The following RP1L1 variants were observed in gnomAD, a reference collection of about 807,000 sequenced individuals.
The protein encoded by RP1L1 is RP1 like 1.
Under a neutral mutation model 15.7 loss-of-function variants are expected in RP1L1, and 27 were observed. The observed-to-expected ratio is 1.72, with a 90% CI of 1.27 to 2.38. RP1L1 has a LOEUF of 2.38. Ranked by LOEUF, RP1L1 falls within the 30% of genes most tolerant of loss-of-function variation. The pLI is 0.00. For synonymous variants in RP1L1, 1,813 were observed against 1,276.7 expected, an observed-to-expected ratio of 1.42 and a Z score of -8.96; for missense variants, 4,798 against 3,075.9, an observed-to-expected ratio of 1.56 and a Z score of -13.24.
chr8:10,645,320 C>T lies in RP1L1; in HGVS notation c.-20+9578G>A, dbSNP rs567650558. On this transcript the variant is annotated intron_variant, in intron 1 of 3. Transcript: ENST00000382483. ...CCAGACTGGGCTACAGAGTGAGACC[C>T]TGTAACAAAAACAAACAAATGAACA... 3.3e-5 allele frequency among the ~76,000 whole-genome samples: 5 copies of T among 152,160 alleles called. No homozygotes were observed. In the South Asian group the frequency reaches 1.0e-3, roughly 32 times the overall value.
At position 10,622,821 on chromosome 8, in the gene RP1L1, C is replaced by G. The variant is rs1261398394; in HGVS notation, c.381G>C (p.Gln127His). The G allele has an allele frequency of 2.5e-6, 4 of 1,613,634 alleles. No individual in the cohort carries two copies. The South Asian group carries it at 4.4e-5, about 18-fold the overall frequency. ...GCTGGCCTTCGACATCCCGCAACTG[C>G]TGAGCAGTGGGGTTTCTCTCCTGTG... The part of the protein sequence containing the change: ...GRPQERNPTA[Q>H]QLRDVEGQRE... Residue 127 changes from glutamine (Q) to histidine (H), a missense_variant, in exon 2 of 4, where the codon CAG (glutamine) becomes CAC (histidine). Gln to His is a conservative substitution (Grantham distance 24). Transcript: ENST00000382483.
chr8:10,616,565 A>G lies in RP1L1; in HGVS notation c.632T>C (p.Leu211Pro), dbSNP rs1797969363. 1 of 1,613,498 alleles carries G rather than the reference A, an allele frequency of 6.2e-7. No individual in the cohort carries two copies. The highest frequency in any genetic ancestry group is 8.5e-7 in the Non-Finnish European group (1 of 1,179,996). The change falls in exon 3 of 4, where the codon CTG (leucine) becomes CCG (proline). Residue 211 changes from leucine to proline, a missense_variant. Physicochemically the swap from Leu to Pro is moderately conservative, Grantham distance 98. Coordinates refer to ENST00000382483, the MANE Select transcript of RP1L1 (RefSeq NM_178857.6). ...GKKVDSLQAL[L>P]HSPSVLVCAG... ...ACACACCAGCACAGAGGGGCTGTGC[A>G]GCAGGGCCTGCAGCGAGTCCACCTG...
Position 10,622,606 on chromosome 8 carries a change from G to A in RP1L1, c.596C>T (p.Thr199Ile). The change falls in exon 2 of 4, where the codon ACC (threonine) becomes ATC (isoleucine). Residue 199 changes from threonine to isoleucine, a missense_variant. Thr to Ile is a moderately conservative substitution (Grantham distance 89, BLOSUM62 -1). Transcript: ENST00000382483. ...LRFPVKQLYTTSGKKVDSLQA... is the reference protein window; with the variant it reads ...LRFPVKQLYTISGKKVDSLQA... ...CCAACAGCCTACCTTTTTCCCGCTG[G>A]TCGTGTACAACTGCTTCACAGGAAA... is the stretch of plus-strand genomic sequence containing the variant. 6.2e-7 allele frequency: 1 copy of A among 1,614,186 alleles called. No homozygotes were observed. The highest frequency in any genetic ancestry group is 1.3e-5 in the African/African-American group (1 of 75,048).
intron 1 of RP1L1, among the ~76,000 whole-genome samples, chr8:10,649,164 C>T (rs997536368): frequency 1.3e-5 from 2 of 152,238 alleles, no homozygotes; most frequent in African/African-American, 2.4e-5. Context: ...GAGGAGGAAG[C>T]GTGAGATTCA....
chr8:10,618,898 G>A (rs1274151315), intron 2 of RP1L1, among the ~76,000 whole-genome samples: 1 of 151,918 alleles, frequency 6.6e-6, no homozygotes, highest in Non-Finnish European at 1.5e-5. Context: ...ATGGAGTCCT[G>A]CTGTGTCACC....
Position 10,607,920 on chromosome 8 carries a change from C to A in RP1L1, c.6178G>T (p.Ala2060Ser). The A allele has an allele frequency of 6.2e-7, 1 of 1,600,712 alleles. No homozygotes were observed. Among genetic ancestry groups the A allele is most frequent in the Non-Finnish European group, 8.5e-7 (1 of 1,171,422 alleles). Residue 2060 changes from alanine (A) to serine (S), a missense_variant, in exon 4 of 4, where the codon GCA becomes TCA. Transcript: ENST00000382483. ...TCAGCCTCCTGTGCCTCCTCTTCTG[C>A]CTCCGGGGCCTCTACACCGTCTGAC... ...PESDGVEAPE[A>S]EEEAQEAEGE...
At position 10,607,061 on chromosome 8, in the gene RP1L1, T is replaced by C; in HGVS notation, c.7037A>G (p.Glu2346Gly). The C allele has an allele frequency of 2.5e-6, 4 of 1,614,182 alleles. No homozygotes were observed. Among genetic ancestry groups the C allele is most frequent in the Non-Finnish European group, 3.4e-6 (4 of 1,180,026 alleles). ...AERKATRMYP[E>G]SSTSEQEEAP... ...CTCTTCTTGCTCAGAAGTAGAACTT[T>C]CTGGGTACATCCTGGTGGCCTTCCT... Residue 2346 changes from glutamate (E) to glycine (G), a missense_variant, in exon 4 of 4, where the codon GAA (glutamate) becomes GGA (glycine). Physicochemically the swap from Glu to Gly is moderately conservative, Grantham distance 98. Coordinates refer to ENST00000382483, the MANE Select transcript of RP1L1 (RefSeq NM_178857.6).
intron 1 of RP1L1, among the ~76,000 whole-genome samples, chr8:10,624,669 G>C (rs911124649): frequency 2.0e-5 from 3 of 150,252 alleles, no homozygotes; most frequent in Non-Finnish European, 2.9e-5. Flanking sequence ...GGAGGAGAAG[G>C]TCGGAGGCTT....
chr8:10,642,143 A>C (rs1798416327), intron 1 of RP1L1, among the ~76,000 whole-genome samples: 1 of 152,194 alleles, frequency 6.6e-6, no homozygotes, highest in South Asian at 2.1e-4. Context: ...CCTGCGTATA[A>C]ATCTATAATT....
In RP1L1 at chr8:10,608,130, C is replaced by T. The variant is rs1410329134; in HGVS notation, c.5968G>A (p.Glu1990Lys). 55 of 1,613,482 alleles carry T rather than the reference C, an allele frequency of 3.4e-5. No individual in the cohort carries two copies. Among genetic ancestry groups the T allele is most frequent in the Non-Finnish European group, 4.3e-5 (51 of 1,179,914 alleles). The change falls in exon 4 of 4, where the codon GAA (glutamate) becomes AAA (lysine). Residue 1990 changes from glutamate to lysine, a missense_variant. By Grantham distance (56) the Glu-to-Lys change is moderately conservative. Transcript: ENST00000382483. ...LEVEVETQEA[E>K]GEAQPESEDV... ...TCTGACTCTGGCTGGGCCTCCCCTT[C>T]TGCCTCCTGGGTCTCCACTTCAACC...
intron 1 of RP1L1, among the ~76,000 whole-genome samples, chr8:10,651,069 G>C (rs1201212733): frequency 6.6e-6 from 1 of 152,202 alleles, no homozygotes; most frequent in African/African-American, 2.4e-5. Context: ...TTGAGATCTA[G>C]TCTGTAAGGT....
chr8:10,646,217 T>C (rs533978795), intron 1 of RP1L1, among the ~76,000 whole-genome samples: 13 of 152,324 alleles, frequency 8.5e-5, no homozygotes, highest in Admixed American at 8.5e-4. Context: ...GCCAACTTTG[T>C]CACCACACAC....
At chr8:10,631,143 C>G (rs1179882178) in intron 1 of RP1L1, among the ~76,000 whole-genome samples, 1 of 152,046 alleles carries the variant, frequency 6.6e-6, no homozygotes, top group Non-Finnish European at 1.5e-5. Flanking sequence ...CAAGATCAAC[C>G]AGCAGGATAT....
chr8:10,642,917 A>G (rs535251239), intron 1 of RP1L1, among the ~76,000 whole-genome samples: 12 of 152,350 alleles, frequency 7.9e-5, no homozygotes, highest in African/African-American at 2.9e-4. Context: ...TAAGATCATA[A>G]GATGATTTTA....
chr8:10,615,666 C>T (rs944116316), intron 3 of RP1L1, among the ~76,000 whole-genome samples: 2 of 151,910 alleles, frequency 1.3e-5, no homozygotes, highest in African/African-American at 4.8e-5. Flanking sequence ...GTAGCTGGGA[C>T]CACGGGTATG....
Position 10,609,257 on chromosome 8 carries a change from C to A in RP1L1, c.4841G>T (p.Arg1614Leu). 2 of 1,608,822 alleles carry A rather than the reference C, an allele frequency of 1.2e-6. No homozygotes were observed. Among genetic ancestry groups the A allele is most frequent in the Non-Finnish European group, 1.7e-6 (2 of 1,179,662 alleles). Residue 1614 changes from arginine to leucine, a missense_variant, in exon 4 of 4, where the codon CGA (arginine) becomes CTA (leucine). Arg to Leu is a moderately radical substitution (Grantham distance 102, BLOSUM62 -2). Transcript: ENST00000382483. ...QQRRHRLRGL[R>L]NLSAFSERTL... ...CCGCTCAGAGAAGGCCGAGAGGTTT[C>A]GCAGGCCCCGGAGACGGTGTCTGCG...
At chr8:10,624,098 A>C (rs1041851683) in intron 1 of RP1L1, among the ~76,000 whole-genome samples, 28 of 152,214 alleles carry the variant, frequency 1.8e-4, no homozygotes, top group African/African-American at 6.8e-4. Context: ...GGAAATTGCA[A>C]ACGTGGAAGG....
At chr8:10,635,847 C>A (rs745397285) in intron 1 of RP1L1, among the ~76,000 whole-genome samples, 1 of 152,214 alleles carries the variant, frequency 6.6e-6, no homozygotes, top group African/African-American at 2.4e-5. Context: ...GACTCAGGAT[C>A]AGCAGAAGGC....
At chr8:10,626,688 T>C (rs1307335322) in intron 1 of RP1L1, among the ~76,000 whole-genome samples, 2 of 152,208 alleles carry the variant, frequency 1.3e-5, no homozygotes, top group African/African-American at 4.8e-5. Context: ...ATTGCAAAGA[T>C]GCATCCTGAT....
Sources: gnomAD v4.1 joint callset for allele counts (sites outside exome capture counted in the v4.1 genomes callset) on GRCh38, gnomAD v4.1.1 for gene constraint, MANE v1.5 for transcripts, NCBI Gene and HGNC (gene_info 2026-07-23, HGNC 2026-07-21) for gene names.